The following RAB40B variants were observed in gnomAD, a reference collection of about 807,000 sequenced individuals.
RAB40B encodes the protein ras-related protein Rab-40B.
Under a neutral mutation model 24.0 loss-of-function variants are expected in RAB40B, and 21 were observed. That is an observed-to-expected ratio of 0.88 (90% CI 0.62 to 1.26). The LOEUF (loss-of-function observed/expected upper bound fraction) is 1.26. RAB40B is among the 50% of genes most tolerant of loss of function. The pLI is 0.00. For synonymous variants in RAB40B, 167 were observed against 169.8 expected, an observed-to-expected ratio of 0.98 and a Z score of 0.13; for missense variants, 348 against 390.5, an observed-to-expected ratio of 0.89 and a Z score of 0.92.
Position 82,663,649 on chromosome 17 carries a change from G to T in RAB40B, c.203+847C>A, listed in dbSNP as rs1190195637. On this transcript the variant is annotated intron_variant, in intron 2 of 5. Transcript: ENST00000571995. The surrounding 1 kb of genome is among the most constrained non-coding windows in gnomAD (Gnocchi z 6.2). ...GCAAGTCCTCACCTCCCCACGTCTG[G>T]GTCCTCCACCCGCAGGCCCGACCAC... Among the ~76,000 whole-genome samples, 2 of 152,034 alleles carry T rather than the reference G, an allele frequency of 1.3e-5. No homozygotes were observed. The highest frequency in any genetic ancestry group is 1.9e-4 in the East Asian group (1 of 5,174).
chr17:82,668,769 A>ACGCAGGGAAGGCG (rs2046293432), intron 1 of RAB40B, among the ~76,000 whole-genome samples: 1 of 152,258 alleles, frequency 6.6e-6, no homozygotes, highest in African/African-American at 2.4e-5. Context: ...GCCCGCGTCT[A>ACGCAGGGAAGGCG]GAGCTGCCCC....
chr17:82,690,687 G>A (rs1242317862), intron 1 of RAB40B, among the ~76,000 whole-genome samples: 4 of 148,674 alleles, frequency 2.7e-5, no homozygotes, highest in Non-Finnish European at 4.4e-5. Context: ...TGCAGGGGAA[G>A]ATCTGCAGAA....
chr17:82,658,704 C>G lies in RAB40B; in HGVS notation c.352G>C (p.Gly118Arg), dbSNP rs200202167. 16 of 1,609,096 alleles carry G rather than the reference C, an allele frequency of 9.9e-6. No homozygotes were observed. Among genetic ancestry groups the G allele is most frequent in the Non-Finnish European group, 1.3e-5 (15 of 1,177,488 alleles). Residue 118 changes from glycine to arginine, a missense_variant, in exon 5 of 6, where the codon GGA becomes CGA. Physicochemically the swap from Gly to Arg is moderately radical, Grantham distance 125 (BLOSUM62 -2). Around this residue, in one of 3 missense-constraint regions of RAB40B, gnomAD observed 126 missense variants for 181.0 expected, o/e 0.70. Transcript: ENST00000571995. Reference protein sequence around the residue: ...WIKEIDEHAPGVPKILVGNRL... With the variant: ...WIKEIDEHAPRVPKILVGNRL... ...TTCCCCACCAGGATCTTGGGGACTCCGGGGGCATGCTAGCGGGCAGGAGAA... is the reference window on the plus strand; with the variant it reads ...TTCCCCACCAGGATCTTGGGGACTCGGGGGGCATGCTAGCGGGCAGGAGAA...
At chr17:82,694,842 T>G (rs1366172726) in intron 1 of RAB40B, among the ~76,000 whole-genome samples, 1 of 151,682 alleles carries the variant, frequency 6.6e-6, no homozygotes, top group Non-Finnish European at 1.5e-5. Context: ...AAGATATCTC[T>G]ACATTGTTCA....
chr17:82,693,848 C>T (rs748742388), intron 1 of RAB40B, among the ~76,000 whole-genome samples: 3 of 151,138 alleles, frequency 2.0e-5, no homozygotes, highest in Non-Finnish European at 4.4e-5. Context: ...TTTGGGAGGC[C>T]GAGGCGGGCA....
chr17:82,659,508 C>T (rs1395723572), intron 4 of RAB40B, 72 bp downstream of exon 4: 22 of 1,485,602 alleles, frequency 1.5e-5, no homozygotes, highest in Middle Eastern at 1.8e-4. Context: ...CTGGAGGGCC[C>T]GGCCCTAATT....
chr17:82,679,284 T>C (rs967937415), intron 1 of RAB40B, among the ~76,000 whole-genome samples: 1 of 150,400 alleles, frequency 6.6e-6, no homozygotes, highest in African/African-American at 2.4e-5. Context: ...TATTATTTTA[T>C]TTTATTTTAT....
intron 1 of RAB40B, among the ~76,000 whole-genome samples, chr17:82,669,725 C>T (rs1188529384): frequency 1.3e-5 from 2 of 152,258 alleles, no homozygotes; most frequent in Admixed American, 6.5e-5. Context: ...CTAGCCCCAG[C>T]GCGGGAGCTT....
chr17:82,660,951 T>C, intron 3 of RAB40B, 36 bp downstream of exon 3: 1 of 1,596,874 alleles, frequency 6.3e-7, no homozygotes, highest in Non-Finnish European at 8.6e-7. Context: ...TATTCAAAGT[T>C]GGTTTGATCT....
intron 1 of RAB40B, among the ~76,000 whole-genome samples, chr17:82,671,361 C>CT (rs1454898703): frequency 6.6e-6 from 1 of 151,510 alleles, no homozygotes; most frequent in Non-Finnish European, 1.5e-5. Context: ...CCCTGTAACT[C>CT]TAACACACAC....
At chr17:82,664,392 G>C in intron 2 of RAB40B, 104 bp downstream of exon 2, 1 of 1,150,736 alleles carries the variant, frequency 8.7e-7, no homozygotes, top group Non-Finnish European at 1.3e-6. Context: ...GATGGTGGTG[G>C]GGGATGGGTG....
At chr17:82,687,876 AGC>A (rs940353651) in intron 1 of RAB40B, among the ~76,000 whole-genome samples, 3 of 152,292 alleles carry the variant, frequency 2.0e-5, no homozygotes, top group African/African-American at 7.2e-5. Flanking sequence ...ATTCAAGACA[AGC>A]CTGGGCGGCA....
chr17:82,662,172 G>A, intron 2 of RAB40B: 1 of 985,486 alleles, frequency 1.0e-6, no homozygotes, highest in Non-Finnish European at 1.2e-6. Context: ...AGAGAGAAGG[G>A]CCTGGGGCTC....
intron 1 of RAB40B, chr17:82,668,289 T>C (rs932272455): frequency 1.9e-5 from 3 of 154,394 alleles, no homozygotes; most frequent in Non-Finnish European, 4.4e-5. Flanking sequence ...CCAACCAGCA[T>C]GCACATCCCC....
intron 1 of RAB40B, among the ~76,000 whole-genome samples, chr17:82,688,432 G>A (rs569775444): frequency 6.6e-6 from 1 of 151,556 alleles, no homozygotes; most frequent in Non-Finnish European, 1.5e-5. Flanking sequence ...GACCAACATG[G>A]TGAAACCCCA....
chr17:82,664,606 C>T (rs755050952), intron 1 of RAB40B, 50 bp from the exon 2 acceptor site: 20 of 1,554,976 alleles, frequency 1.3e-5, no homozygotes, highest in East Asian at 2.3e-5. Context: ...GCTAACAGGA[C>T]GCTGGAAGTC....
At chr17:82,661,992 T>G in intron 2 of RAB40B, 1 of 985,184 alleles carries the variant, frequency 1.0e-6, no homozygotes, top group Non-Finnish European at 1.2e-6. Flanking sequence ...CAGCGCTGTT[T>G]CCCGGAGTCT....
chr17:82,658,891 G>C, intron 4 of RAB40B, 178 bp from the exon 5 acceptor site: 1 of 605,346 alleles, frequency 1.7e-6, no homozygotes, highest in South Asian at 2.1e-5. Flanking sequence ...CGGTGCGGCC[G>C]CACTGAATTA....
intron 1 of RAB40B, among the ~76,000 whole-genome samples, chr17:82,691,000 G>A (rs574315783): frequency 3.9e-5 from 6 of 152,304 alleles, no homozygotes; most frequent in South Asian, 2.1e-4. Context: ...TCTGATGCTC[G>A]TCTCCGGGAA....
Sources: gnomAD v4.1 joint callset for allele counts (sites outside exome capture counted in the v4.1 genomes callset) on GRCh38, gnomAD v4.1.1 for gene constraint, gnomAD v4.1.1 regional missense constraint, Gnocchi (gnomAD v3.1) non-coding constraint, MANE v1.5 for transcripts, NCBI Gene and HGNC (gene_info 2026-07-23, HGNC 2026-07-21) for gene names.